Variants in APPBP2 observed in about 807,000 individuals in gnomAD.
The protein encoded by APPBP2 is amyloid beta precursor protein binding protein 2.
Under a neutral mutation model 76.0 loss-of-function variants are expected in APPBP2, and 15 were observed. The ratio of observed to expected loss-of-function variants is 0.20; its 90% confidence interval spans 0.13 to 0.30. The LOEUF (loss-of-function observed/expected upper bound fraction) is 0.30. Among genes scored for constraint, APPBP2 ranks in the 10% least tolerant of loss-of-function variants. The probability of loss-of-function intolerance (pLI) is 1.00; values close to 1 mark genes in which losing one functional copy is unlikely to be tolerated. For missense variants in APPBP2, 401 were observed against 687.2 expected (o/e 0.58, Z 4.66); for synonymous variants, 222 against 242.2 (o/e 0.92, Z 0.77).
intron 11 of APPBP2, 40 bp downstream of exon 11, chr17:60,454,262 T>C (rs193256099): frequency 2.2e-6 from 3 of 1,387,262 alleles, no homozygotes; most frequent in Admixed American, 2.4e-5. Flanking sequence ...TTCTATTTCA[T>C]TACTTAAGAG....
intron 5 of APPBP2, among the ~76,000 whole-genome samples, chr17:60,464,601 A>ACC (rs2090497794): frequency 6.6e-6 from 1 of 152,228 alleles, no homozygotes; most frequent in African/African-American, 2.4e-5. Context: ...TTACCTGACA[A>ACC]AACAGCCCTA....
chr17:60,462,089 T>G (rs2090479655), intron 6 of APPBP2, 28 bp from the exon 7 acceptor site: 1 of 1,549,472 alleles, frequency 6.5e-7, no homozygotes, highest in Non-Finnish European at 8.9e-7. Flanking sequence ...AATGGTTAAC[T>G]CTCAAACAGT....
At chr17:60,449,543 C>T (rs940973615) in intron 12 of APPBP2, among the ~76,000 whole-genome samples, 13 of 152,222 alleles carry the variant, frequency 8.5e-5, no homozygotes, top group African/African-American at 3.1e-4. Flanking sequence ...CTGCAGTGAG[C>T]TAAGACCACG....
chr17:60,470,317 G>A (rs2090542889), intron 4 of APPBP2, among the ~76,000 whole-genome samples: 1 of 152,050 alleles, frequency 6.6e-6, no homozygotes, highest in South Asian at 2.1e-4. Context: ...CTGGAGTGCA[G>A]TTGCATGATC....
intron 5 of APPBP2, 120 bp downstream of exon 5, chr17:60,466,171 C>T (rs2090509310): frequency 1.0e-6 from 1 of 985,160 alleles, no homozygotes; most frequent in African/African-American, 1.6e-5. Flanking sequence ...TGTGTACTGC[C>T]TTATATAAAC....
intron 1 of APPBP2, among the ~76,000 whole-genome samples, chr17:60,523,051 G>C (rs2091023328): frequency 6.6e-6 from 1 of 151,810 alleles, no homozygotes; most frequent in Non-Finnish European, 1.5e-5. Context: ...TCATACTGTA[G>C]TACACCAAAC....
intron 10 of APPBP2, among the ~76,000 whole-genome samples, chr17:60,455,503 T>C (rs1411449477): frequency 2.0e-5 from 3 of 152,120 alleles, no homozygotes; most frequent in Non-Finnish European, 4.4e-5. Flanking sequence ...GCAAAATAAA[T>C]GCATTACGTG....
intron 1 of APPBP2, among the ~76,000 whole-genome samples, chr17:60,516,183 A>G (rs2143495356): frequency 6.6e-6 from 1 of 152,170 alleles, no homozygotes; most frequent in East Asian, 1.9e-4. Context: ...AACAAAAAAA[A>G]AACAAACAAA....
intron 3 of APPBP2, among the ~76,000 whole-genome samples, chr17:60,492,104 G>C (rs1243770856): frequency 3.9e-5 from 6 of 152,190 alleles, no homozygotes; most frequent in Admixed American, 1.3e-4. Context: ...TTAGACCATA[G>C]CTTCCAAGGG....
intron 1 of APPBP2, among the ~76,000 whole-genome samples, chr17:60,515,530 A>G (rs922198110): frequency 6.6e-6 from 1 of 152,204 alleles, no homozygotes; most frequent in African/African-American, 2.4e-5. Flanking sequence ...AGATAATAAC[A>G]AAGTATAACC....
At chr17:60,453,870 G>A (rs1316549580) in intron 11 of APPBP2, among the ~76,000 whole-genome samples, 1 of 151,050 alleles carries the variant, frequency 6.6e-6, no homozygotes, top group Non-Finnish European at 1.5e-5. Context: ...TTTATATTTT[G>A]ACTATTGTTT....
chr17:60,474,092 A>T (rs532590393), intron 4 of APPBP2, among the ~76,000 whole-genome samples: 94 of 152,350 alleles, frequency 6.2e-4, no homozygotes, highest in Admixed American at 1.0e-3. Flanking sequence ...TTAAAAAGCC[A>T]GTTAATAAAA....
At chr17:60,521,105 A>G (rs1007963125) in intron 1 of APPBP2, among the ~76,000 whole-genome samples, 2 of 152,076 alleles carry the variant, frequency 1.3e-5, no homozygotes, top group Non-Finnish European at 2.9e-5. Context: ...CTGCCTCACA[A>G]TTCTTTCACT....
At chr17:60,457,456 C>G (rs1031754436) in intron 9 of APPBP2, among the ~76,000 whole-genome samples, 1 of 151,878 alleles carries the variant, frequency 6.6e-6, no homozygotes, top group African/African-American at 2.4e-5. Context: ...ACACAGGATC[C>G]TGCTCTGTCA....
At position 60,521,865 on chromosome 17, in the gene APPBP2, G is replaced by A. The variant is rs150368835; in HGVS notation, c.138+3929C>T. On this transcript the variant is annotated intron_variant, in intron 1 of 12. Transcript: ENST00000083182. ...TTATCTTCTTCCAATGTGGCTCAGGGAAGCCAAAACATTGGACACCCCTGG... is the reference window on the plus strand; with the variant it reads ...TTATCTTCTTCCAATGTGGCTCAGGAAAGCCAAAACATTGGACACCCCTGG... Among the ~76,000 whole-genome samples the A allele has an allele frequency of 7.4e-3, 1,127 of 152,244 alleles. 7 individuals carry two copies. The highest frequency in any genetic ancestry group is 0.013 in the Non-Finnish European group (903 of 68,016).
chr17:60,501,532 G>A (rs2090823427), intron 1 of APPBP2, among the ~76,000 whole-genome samples: 1 of 152,004 alleles, frequency 6.6e-6, no homozygotes, highest in African/African-American at 2.4e-5. Flanking sequence ...TAGTAGCTAG[G>A]ATTACAGGCA....
intron 4 of APPBP2, among the ~76,000 whole-genome samples, chr17:60,476,051 T>G (rs1362741101): frequency 6.6e-6 from 1 of 152,192 alleles, no homozygotes; most frequent in Non-Finnish European, 1.5e-5. Context: ...TAGACAACAA[T>G]TTTCTTCCTC....
At chr17:60,506,862 C>A (rs2090872314) in intron 1 of APPBP2, among the ~76,000 whole-genome samples, 1 of 152,132 alleles carries the variant, frequency 6.6e-6, no homozygotes, top group Non-Finnish European at 1.5e-5. Flanking sequence ...ATGGTGAAAC[C>A]CCGTTTCTAC....
chr17:60,478,784 C>A (rs2090608993), intron 4 of APPBP2, among the ~76,000 whole-genome samples: 1 of 152,138 alleles, frequency 6.6e-6, no homozygotes, highest in African/African-American at 2.4e-5. Context: ...TTGGCGCATG[C>A]CTGTAATCCC....
Sources: gnomAD v4.1 joint callset for allele counts (sites outside exome capture counted in the v4.1 genomes callset) on GRCh38, gnomAD v4.1.1 for gene constraint, MANE v1.5 for transcripts, NCBI Gene and HGNC (gene_info 2026-07-23, HGNC 2026-07-21) for gene names.